The following AFAP1L2 variants were observed in gnomAD, a reference collection of about 807,000 sequenced individuals.
The protein encoded by AFAP1L2 is actin filament-associated protein 1-like 2.
In AFAP1L2, 46 loss-of-function variants were observed where a neutral mutation model predicts 99.3. That is an observed-to-expected ratio of 0.46 (90% CI 0.37 to 0.59). The LOEUF (loss-of-function observed/expected upper bound fraction) is 0.59. Among genes scored for constraint, AFAP1L2 ranks in the 20% least tolerant of loss-of-function variants. The pLI, the probability that AFAP1L2 is intolerant of heterozygous loss-of-function variation, is 0.00. For missense variants in AFAP1L2, 959 were observed against 1,034.9 expected, an observed-to-expected ratio of 0.93 and a Z score of 1.01; for synonymous variants, 397 against 419.1, an observed-to-expected ratio of 0.95 and a Z score of 0.64.
intron 11 of AFAP1L2, among the ~76,000 whole-genome samples, chr10:114,304,450 T>A (rs1589969432): frequency 1.3e-5 from 2 of 152,172 alleles, no homozygotes; most frequent in African/African-American, 4.8e-5. Context: ...CCCCAGCAGC[T>A]TTTCCAGTAG....
At chr10:114,368,002 A>C (rs2053534303) in intron 1 of AFAP1L2, among the ~76,000 whole-genome samples, 1 of 152,222 alleles carries the variant, frequency 6.6e-6, no homozygotes, top group South Asian at 2.1e-4. Context: ...GGGATTCCAC[A>C]AATGGCTGCT....
chr10:114,378,536 T>C (rs918840829), intron 1 of AFAP1L2, among the ~76,000 whole-genome samples: 1 of 152,258 alleles, frequency 6.6e-6, no homozygotes, highest in East Asian at 1.9e-4. Context: ...CAGTGGACTA[T>C]AATTTCTGCG....
intron 4 of AFAP1L2, among the ~76,000 whole-genome samples, chr10:114,325,325 CGCAGTGAGGGCAGTTAATGTGACAG>C (rs2046090518): frequency 6.6e-6 from 1 of 152,188 alleles, no homozygotes; most frequent in African/African-American, 2.4e-5. Context: ...CTGCAGGTTG[CGCAGTGAGGGCAGTTAATGTGACAG>C]GCAGTTAATG....
At chr10:114,387,520 A>T (rs1336596096) in intron 1 of AFAP1L2, among the ~76,000 whole-genome samples, 1 of 152,196 alleles carries the variant, frequency 6.6e-6, no homozygotes, top group African/African-American at 2.4e-5. Context: ...TTTCACCACC[A>T]CTGGCTAGCA....
chr10:114,352,083 A>T (rs555265388), intron 1 of AFAP1L2, among the ~76,000 whole-genome samples: 12 of 152,192 alleles, frequency 7.9e-5, no homozygotes, highest in African/African-American at 2.7e-4. Context: ...TAGTTGCTAA[A>T]TAAAACCCTC....
chr10:114,347,416 T>C (rs2049769509), intron 1 of AFAP1L2, among the ~76,000 whole-genome samples: 1 of 152,240 alleles, frequency 6.6e-6, no homozygotes, highest in African/African-American at 2.4e-5. Context: ...CTTTAGCACG[T>C]ATCTACTATA....
At chr10:114,318,353 T>G (rs188286004) in intron 5 of AFAP1L2, among the ~76,000 whole-genome samples, 40 of 152,288 alleles carry the variant, frequency 2.6e-4, no homozygotes, top group Middle Eastern at 3.4e-3. Flanking sequence ...TCATGAAGAA[T>G]TCTAACATCT....
At chr10:114,286,403 G>A in the AFAP1L2 span, 1 of 1,613,938 alleles carries the variant, frequency 6.2e-7, no homozygotes, top group African/African-American at 1.3e-5. Flanking sequence ...GGCAGAGCTG[G>A]AGGAGATCAC....
At chr10:114,306,739 TTC>T (rs1423475803) in intron 10 of AFAP1L2, among the ~76,000 whole-genome samples, 1 of 151,968 alleles carries the variant, frequency 6.6e-6, no homozygotes, top group Non-Finnish European at 1.5e-5. Flanking sequence ...AGCAGCTGTA[TTC>T]TCTCTCAGCC....
intron 16 of AFAP1L2, among the ~76,000 whole-genome samples, chr10:114,298,977 G>A (rs1369336203): frequency 2.0e-5 from 3 of 152,180 alleles, no homozygotes; most frequent in Non-Finnish European, 1.5e-5. Flanking sequence ...AATAAAACAC[G>A]GCCTATGCAT....
intron 5 of AFAP1L2, among the ~76,000 whole-genome samples, chr10:114,319,374 T>A (rs1471549414): frequency 1.2e-5 from 1 of 85,734 alleles, no homozygotes; most frequent in Non-Finnish European, 2.4e-5. Flanking sequence ...ACCACATGGG[T>A]GGGGGGTGGG....
rs372094630 is a variant in AFAP1L2, at chr10:114,340,395, ACAGC to A, written c.145+204_145+207del. Among the ~76,000 whole-genome samples, 77 of 152,268 alleles carry A rather than the reference ACAGC, an allele frequency of 5.1e-4. 2 individuals are homozygous for A. In the South Asian group the frequency reaches 0.016, roughly 31 times the overall value. On this transcript the variant is annotated intron_variant, in intron 2 of 18. Coordinates refer to ENST00000304129, the MANE Select transcript of AFAP1L2 (RefSeq NM_001001936.3). ...ACCCATGTGAGGACACAGGGAGAAG[ACAGC>A]CATCAGCCCGCCAGGGAGAGAGGCC...
At chr10:114,291,603 C>A (rs576970575), downstream of AFAP1L2, 2 of 225,302 alleles carry the variant, frequency 8.9e-6, no homozygotes, top group East Asian at 1.2e-4. Context: ...AGCGGCCTGA[C>A]GTTCCTTTGC....
rs776641266 is a variant in AFAP1L2, at chr10:114,333,263, C to T, written c.178G>A (p.Val60Met). The change falls in exon 3 of 19, where the codon GTG becomes ATG. Residue 60 changes from valine (V) to methionine (M), a missense_variant. By Grantham distance (21) the Val-to-Met change is conservative. Coordinates refer to ENST00000304129, the MANE Select transcript of AFAP1L2 (RefSeq NM_001001936.3). ...SDEEYIYMNK[V>M]TINKQQNAES... ...GCATTCTGTTGCTTGTTGATGGTCA[C>T]TTTGTTCATATAAATGTACTCCTCA... 5.0e-6 allele frequency: 8 copies of T among 1,613,882 alleles called. No homozygotes were observed. The highest frequency in any genetic ancestry group is 6.8e-6 in the Non-Finnish European group (8 of 1,180,002).
chr10:114,300,061 C>T (rs2040868053), intron 15 of AFAP1L2, 133 bp downstream of exon 15: 3 of 1,295,586 alleles, frequency 2.3e-6, no homozygotes, highest in Non-Finnish European at 3.2e-6. Flanking sequence ...TGGGACTTGA[C>T]CTTGTGATCG....
intron 7 of AFAP1L2, among the ~76,000 whole-genome samples, chr10:114,312,425 G>C (rs572221215): frequency 2.6e-5 from 4 of 152,138 alleles, no homozygotes; most frequent in Non-Finnish European, 5.9e-5. Flanking sequence ...TGTGTAGTGG[G>C]TGAGGCAGGA....
At position 114,333,225 on chromosome 10, in the gene AFAP1L2, G is replaced by C; in HGVS notation, c.216C>G (p.Gly72=). 4.3e-6 allele frequency: 7 copies of C among 1,613,160 alleles called. No individual in the cohort carries two copies. The highest frequency in any genetic ancestry group is 2.2e-5 in the East Asian group (1 of 44,880). Residue 72 remains glycine, a synonymous_variant, in exon 3 of 19, where the codon GGC becomes GGG. Transcript: ENST00000304129. ...INKQQNAESQ[G]KAPEEQGLLP... ...TCAGTGATCCCAGCCTCATACCTTTGCCTTGAGACTCTGCATTCTGTTGCT... is the reference window on the plus strand; with the variant it reads ...TCAGTGATCCCAGCCTCATACCTTTCCCTTGAGACTCTGCATTCTGTTGCT...
chr10:114,397,911 C>T lies in AFAP1L2; in HGVS notation c.16+6529G>A, dbSNP rs573028487. Among the ~76,000 whole-genome samples the T allele has an allele frequency of 4.5e-3, 688 of 152,254 alleles. 11 individuals are homozygous for T. Among genetic ancestry groups the T allele is most frequent in the African/African-American group, 0.016 (666 of 41,534 alleles). On this transcript the variant is annotated intron_variant, in intron 1 of 18. Coordinates refer to ENST00000304129, the MANE Select transcript of AFAP1L2 (RefSeq NM_001001936.3). ...AGCTCCAGGAAGTGAGAAGAGAACT[C>T]AGGGGCCTGCTTAGAAAACAGCAGA...
chr10:114,371,523 C>CT (rs1218000790), intron 1 of AFAP1L2, among the ~76,000 whole-genome samples: 2 of 152,032 alleles, frequency 1.3e-5, no homozygotes, highest in African/African-American at 2.4e-5. Context: ...TTTACTTTTT[C>CT]TTTTTTTAAA....
Sources: gnomAD v4.1 joint callset for allele counts (sites outside exome capture counted in the v4.1 genomes callset) on GRCh38, gnomAD v4.1.1 for gene constraint, MANE v1.5 for transcripts, NCBI Gene and HGNC (gene_info 2026-07-23, HGNC 2026-07-21) for gene names.